Variants in BEAN1 observed in about 807,000 individuals in gnomAD.
BEAN1 encodes brain expressed associated with NEDD4 1.
BEAN1 carries 17 observed loss-of-function variants against 17.7 expected under a neutral mutation model. That is an observed-to-expected ratio of 0.96 (90% CI 0.66 to 1.44). The LOEUF (loss-of-function observed/expected upper bound fraction) is 1.44, where lower values mean the gene tolerates loss of function less well. Ranked by LOEUF, BEAN1 falls within the 40% of genes most tolerant of loss-of-function variation. The pLI is 0.00. For synonymous variants in BEAN1, 142 were observed against 151.8 expected (o/e 0.94, Z 0.47); for missense variants, 359 against 374.1 (o/e 0.96, Z 0.33).
intron 4 of BEAN1, among the ~76,000 whole-genome samples, chr16:66,488,125 C>T (rs1202819382): frequency 6.6e-6 from 1 of 151,246 alleles, no homozygotes; most frequent in Non-Finnish European, 1.5e-5. Context: ...AGTTCACAGG[C>T]ATGACAGGTT....
chr16:66,477,852 C>A (rs1013713303), intron 4 of BEAN1, 142 bp downstream of exon 4: 1 of 930,936 alleles, frequency 1.1e-6, no homozygotes, highest in African/African-American at 1.8e-5. Flanking sequence ...ATGGCCACCT[C>A]CTCCCCACTC....
intron 2 of BEAN1, among the ~76,000 whole-genome samples, chr16:66,456,464 C>T (rs1267487442): frequency 2.0e-5 from 3 of 152,172 alleles, no homozygotes; most frequent in African/African-American, 7.2e-5. Context: ...TGCACAGTAA[C>T]TCCACTGGCA....
intron 2 of BEAN1, chr16:66,451,347 A>ATGACCT (rs1310697124): frequency 6.6e-6 from 1 of 152,214 alleles, no homozygotes; most frequent in Non-Finnish European, 1.5e-5. Flanking sequence ...TGTTCCAGCC[A>ATGACCT]TGACCTTGAC....
downstream of BEAN1, chr16:66,484,914 T>C (rs1024072065): frequency 4.4e-6 from 2 of 454,058 alleles, no homozygotes; most frequent in Non-Finnish European, 4.4e-6. This position sits in a 1 kb window ranked among gnomAD's most constrained non-coding sequence, Gnocchi z 4.2. Context: ...GGAGGCCAAA[T>C]GGGCTCCTCT....
intron 4 of BEAN1, among the ~76,000 whole-genome samples, chr16:66,489,515 A>T (rs1964136009): frequency 6.6e-6 from 1 of 152,200 alleles, no homozygotes; most frequent in South Asian, 2.1e-4. Context: ...CCCTGGACCT[A>T]ACATTTCTGA....
At chr16:66,460,985 C>T (rs545030038) in intron 2 of BEAN1, among the ~76,000 whole-genome samples, 4 of 152,260 alleles carry the variant, frequency 2.6e-5, no homozygotes, top group South Asian at 2.1e-4. Flanking sequence ...GTAAGGCATA[C>T]AATACAGTAG....
intron 1 of BEAN1, among the ~76,000 whole-genome samples, chr16:66,432,777 G>A (rs963800726): frequency 1.1e-4 from 16 of 152,122 alleles, no homozygotes; most frequent in African/African-American, 3.9e-4. Flanking sequence ...GGGTGTTCCC[G>A]CCCAGGGTCT....
Position 66,469,788 on chromosome 16 carries a change from GCCACCGCCA to G in BEAN1, c.227_235del (p.Arg76_His78del), listed in dbSNP as rs564817056. On this transcript the variant is annotated inframe_deletion, in exon 3 of 5. Transcript: ENST00000536005. ...AGGCAGGCCCGGCTTCAGCGGCACC[GCCACCGCCA>G]CCACCGCCACCACCACCACCATCAT... is the stretch of plus-strand genomic sequence containing the variant. The G allele has an allele frequency of 3.7e-4, 569 of 1,535,636 alleles. No homozygotes were observed. In the African/African-American group the frequency reaches 5.1e-3, roughly 14 times the overall value.
intron 1 of BEAN1, among the ~76,000 whole-genome samples, chr16:66,431,708 C>G (rs368479280): frequency 2.6e-5 from 4 of 152,136 alleles, no homozygotes; most frequent in South Asian, 2.1e-4. Context: ...GTTTTCCCCC[C>G]CTTAACATTA....
At chr16:66,435,028 C>A (rs977203078) in intron 1 of BEAN1, among the ~76,000 whole-genome samples, 1 of 152,132 alleles carries the variant, frequency 6.6e-6, no homozygotes, top group Non-Finnish European at 1.5e-5. Flanking sequence ...TCTGTCTCCA[C>A]CAGTCAAGGA....
intron 1 of BEAN1, among the ~76,000 whole-genome samples, chr16:66,433,872 C>T (rs912500692): frequency 7.9e-5 from 12 of 152,220 alleles, no homozygotes; most frequent in Non-Finnish European, 5.9e-5. Flanking sequence ...AAGCCTCTGC[C>T]ATGAGGATCC....
chr16:66,481,453 C>T lies in BEAN1; in HGVS notation c.*528C>T, dbSNP rs919524644. 4.3e-5 allele frequency: 17 copies of T among 391,956 alleles called. No homozygotes were observed. Among genetic ancestry groups the T allele is most frequent in the Non-Finnish European group, 6.3e-5 (14 of 222,510 alleles). The allele number at this position is 391,956 out of a possible 1,614,324, so 24.3% of individuals were successfully genotyped here. On this transcript the variant is annotated 3_prime_UTR_variant, in exon 5 of 5. Transcript: ENST00000536005. This position sits in a 1 kb window ranked among gnomAD's most constrained non-coding sequence, Gnocchi z 4.1. ...GGCGGGACAGGCCCCAGTGAGGTTC[C>T]GTTGTGCGCTGTGCCTATCTCTCGA...
chr16:66,472,402 C>A (rs1032561151), intron 3 of BEAN1, among the ~76,000 whole-genome samples: 2 of 152,344 alleles, frequency 1.3e-5, no homozygotes, highest in African/African-American at 4.8e-5. Context: ...GTAGTTGCCC[C>A]CTTTAAAGAC....
downstream of BEAN1, among the ~76,000 whole-genome samples, chr16:66,494,926 CT>C (rs1964225436): frequency 2.6e-5 from 4 of 152,232 alleles, no homozygotes; most frequent in Admixed American, 2.6e-4. Context: ...CCAGGGGCTT[CT>C]CTATGTGGTG....
chr16:66,435,176 C>T (rs1297086738), intron 1 of BEAN1, among the ~76,000 whole-genome samples: 1 of 152,152 alleles, frequency 6.6e-6, no homozygotes, highest in African/African-American at 2.4e-5. Flanking sequence ...GCAGGCCAGC[C>T]AGAGCATCAG....
At chr16:66,437,539 AGGGGCTGTG>A in intron 1 of BEAN1, 47 bp from the exon 2 acceptor site, 2 of 1,029,454 alleles carry the variant, frequency 1.9e-6, no homozygotes, top group Non-Finnish European at 2.8e-6. Flanking sequence ...CCCAGCCTGC[AGGGGCTGTG>A]GGTGCGCCAT....
downstream of BEAN1, chr16:66,484,845 A>G (rs1450694848): frequency 2.9e-5 from 13 of 453,970 alleles, no homozygotes; most frequent in Non-Finnish European, 5.3e-5. The surrounding 1 kb of genome is among the most constrained non-coding windows in gnomAD (Gnocchi z 4.2). Flanking sequence ...TTGTACCCTG[A>G]TGCTCAGCAG....
At chr16:66,488,116 G>C (rs1964113891) in intron 4 of BEAN1, among the ~76,000 whole-genome samples, 1 of 151,862 alleles carries the variant, frequency 6.6e-6, no homozygotes, top group African/African-American at 2.4e-5. Flanking sequence ...GTGGCTGGCA[G>C]TTCACAGGCA....
downstream of BEAN1, chr16:66,485,074 A>C: frequency 2.2e-6 from 1 of 454,166 alleles, no homozygotes; most frequent in South Asian, 1.6e-5. Flanking sequence ...ACACACAAGC[A>C]ACAGGCATCG....
Sources: gnomAD v4.1 joint callset for allele counts (sites outside exome capture counted in the v4.1 genomes callset) on GRCh38, gnomAD v4.1.1 for gene constraint, Gnocchi (gnomAD v3.1) non-coding constraint, MANE v1.5 for transcripts, NCBI Gene and HGNC (gene_info 2026-07-23, HGNC 2026-07-21) for gene names.